Variants in ODAD4 observed in about 807,000 individuals in gnomAD.
ODAD4 encodes the protein outer dynein arm docking complex subunit 4, also known as outer dynein arm-docking complex subunit 4.
A neutral mutation model predicts 51.8 loss-of-function variants in ODAD4; 49 were observed. The observed-to-expected ratio is 0.95, with a 90% confidence interval of 0.75 to 1.20. The LOEUF (loss-of-function observed/expected upper bound fraction) is 1.20, where lower values mean the gene tolerates loss of function less well. Ranked by LOEUF, ODAD4 falls within the 50% of genes most tolerant of loss-of-function variation. The pLI is 0.00. For missense variants in ODAD4, 590 were observed against 586.5 expected, an observed-to-expected ratio of 1.01 and a Z score of -0.06; for synonymous variants, 235 against 221.3, an observed-to-expected ratio of 1.06 and a Z score of -0.55.
intron 7 of ODAD4, among the ~76,000 whole-genome samples, chr17:41,940,700 C>G (rs2050493409): frequency 2.0e-5 from 3 of 151,556 alleles, no homozygotes; most frequent in Non-Finnish European, 4.4e-5. Context: ...TAATACCAAC[C>G]CACAGGGACT....
chr17:41,959,594 G>A (rs1183056171), intron 10 of ODAD4, among the ~76,000 whole-genome samples: 1 of 152,170 alleles, frequency 6.6e-6, no homozygotes, highest in Non-Finnish European at 1.5e-5. Flanking sequence ...TGGCCAGGCC[G>A]AGGAGGGGCA....
chr17:41,935,830 G>C (rs1317706253), intron 3 of ODAD4, 81 bp downstream of exon 3: 15 of 1,539,226 alleles, frequency 9.7e-6, no homozygotes, highest in Non-Finnish European at 1.2e-5. Context: ...AGTCACAGCA[G>C]GTGAGCAGCC....
intron 7 of ODAD4, among the ~76,000 whole-genome samples, chr17:41,944,192 C>T (rs1333146337): frequency 5.5e-5 from 8 of 146,450 alleles, no homozygotes; most frequent in East Asian, 2.0e-4. Context: ...AGTGAAACTC[C>T]GTCTCAAAAA....
chr17:41,939,622 A>G (rs2050479445), intron 7 of ODAD4, among the ~76,000 whole-genome samples: 1 of 152,192 alleles, frequency 6.6e-6, no homozygotes, highest in South Asian at 2.1e-4. Flanking sequence ...GTGTGGTGAG[A>G]AATACATTCC....
chr17:41,943,085 G>A (rs1445583975), intron 7 of ODAD4, among the ~76,000 whole-genome samples: 2 of 152,024 alleles, frequency 1.3e-5, no homozygotes, highest in African/African-American at 4.8e-5. Flanking sequence ...AGAACTGCGT[G>A]GTACTGAGAG....
In ODAD4 at chr17:41,965,231, A is replaced by G; in HGVS notation, c.1767A>G (p.Leu589=). The G allele has an allele frequency of 1.3e-6, 1 of 776,096 alleles. No individual in the cohort carries two copies. The highest frequency in any genetic ancestry group is 1.4e-5 in the South Asian group (1 of 73,690). The allele number at this position is 776,096 out of a possible 1,614,324, so 48.1% of individuals were successfully genotyped here. The stretch of plus-strand genomic sequence containing the variant: ...TTGCCAAGGGCCTGTCAGGAGAATT[A>G]GGCACAAGATCAGGAGAAACAGGCA... ...GAVAKGLSGE[L]GTRSGETGRK... is the part of the protein sequence containing the mutation. Residue 589 remains leucine (L), a synonymous_variant, in exon 12 of 12, where the codon TTA becomes TTG. Transcript: ENST00000377540.
At chr17:41,954,111 G>A (rs1210831282) in intron 9 of ODAD4, among the ~76,000 whole-genome samples, 4 of 151,816 alleles carry the variant, frequency 2.6e-5, no homozygotes, top group East Asian at 1.9e-4. Flanking sequence ...TCAGCCTCCC[G>A]AGTAGCTGGG....
At chr17:41,946,111 G>A (rs1204861871) in intron 8 of ODAD4, among the ~76,000 whole-genome samples, 2 of 152,188 alleles carry the variant, frequency 1.3e-5, no homozygotes, top group Non-Finnish European at 2.9e-5. Flanking sequence ...ACAGTGTGTT[G>A]AGGAAGTGGC....
intron 10 of ODAD4, among the ~76,000 whole-genome samples, chr17:41,955,748 A>G (rs561328176): frequency 6.6e-6 from 1 of 152,112 alleles, no homozygotes; most frequent in African/African-American, 2.4e-5. Context: ...TACAAAATAT[A>G]TTTACCTCTG....
intron 7 of ODAD4, among the ~76,000 whole-genome samples, chr17:41,944,391 TACACACACACACACACACACAC>T (rs1158342629): frequency 1.0e-4 from 8 of 78,706 alleles, no homozygotes; most frequent in African/African-American, 5.3e-4. Context: ...CAAACACACA[TACACACACACACACACACACAC>T]ACACACACAC....
chr17:41,935,013 T>C (rs980121249), intron 1 of ODAD4, among the ~76,000 whole-genome samples: 5 of 152,120 alleles, frequency 3.3e-5, no homozygotes, highest in Admixed American at 1.3e-4. Context: ...GATAATCAAG[T>C]TGACTGAGCG....
intron 9 of ODAD4, chr17:41,952,559 A>AG (rs2050671789): frequency 3.1e-6 from 1 of 322,566 alleles, no homozygotes; most frequent in African/African-American, 2.2e-5. Flanking sequence ...AAAAAAAAAA[A>AG]AAAAAAAAAA....
At chr17:41,944,627 C>T (rs1437178253) in intron 7 of ODAD4, among the ~76,000 whole-genome samples, 1 of 150,834 alleles carries the variant, frequency 6.6e-6, no homozygotes, top group Non-Finnish European at 1.5e-5. Context: ...CTTGTCTCTA[C>T]TAAAAATATA....
chr17:41,959,084 A>T (rs2144538057), intron 10 of ODAD4, among the ~76,000 whole-genome samples: 1 of 151,602 alleles, frequency 6.6e-6, no homozygotes, highest in Middle Eastern at 3.5e-3. Context: ...TCCCATTGTC[A>T]CAGAAATTTC....
rs782723414 is a variant in ODAD4 at position 41,965,028 on chromosome 17, G to C, written c.1564G>C (p.Glu522Gln). Residue 522 changes from glutamate (E) to glutamine (Q), a missense_variant, in exon 12 of 12, where the codon GAG becomes CAG. By Grantham distance (29) the Glu-to-Gln change is conservative. This residue lies in a region of ODAD4 where 226 missense variants were observed against 162.7 expected (regional missense o/e 1.39). Transcript: ENST00000377540. ...GTATGAAGATAGAATAATAACAAGA[G>C]AGAAGGACATGAGGAGAGTGAGAGA... ...SLYEDRIITR[E>Q]KDMRRVRDEP... 1 of 725,664 alleles carries C rather than the reference G, an allele frequency of 1.4e-6. No individual in the cohort carries two copies. The highest frequency in any genetic ancestry group is 1.5e-5 in the South Asian group (1 of 67,512). The allele number at this position is 725,664 out of a possible 1,614,324, so 45.0% of individuals were successfully genotyped here. A position where few individuals can be genotyped will look rare whatever the true frequency, so the allele number is the denominator to read the frequency against.
At chr17:41,932,601 G>A (rs7224943) in intron 1 of ODAD4, among the ~76,000 whole-genome samples, 5,264 of 151,388 alleles carry the variant, frequency 0.035, 331 homozygotes, top group African/African-American at 0.12. Flanking sequence ...CTGGAATGTG[G>A]TGGCACAATC....
At chr17:41,935,419 C>T in intron 2 of ODAD4, 71 bp downstream of exon 2, 1 of 1,575,044 alleles carries the variant, frequency 6.3e-7, no homozygotes, top group South Asian at 1.2e-5. Flanking sequence ...GTAGTTGTTA[C>T]AAGTAGAACC....
In ODAD4 at chr17:41,965,189, A is replaced by G; in HGVS notation, c.1725A>G (p.Arg575=). The G allele has an allele frequency of 1.3e-6, 1 of 772,768 alleles. No individual in the cohort carries two copies. Among genetic ancestry groups the G allele is most frequent in the Non-Finnish European group, 2.4e-6 (1 of 414,646 alleles). 47.9% of individuals were successfully genotyped at this position (772,768 alleles called of 1,614,324 possible). A position where few individuals can be genotyped will look rare whatever the true frequency, so the allele number is the denominator to read the frequency against. ...AGAGTGTGGAAGCAGGAAAAGCCAG[A>G]AGCGATTTGGGAGCAGTTGCCAAGG... ...GKQSVEAGKA[R]SDLGAVAKGL... Residue 575 remains arginine, a synonymous_variant, in exon 12 of 12, where the codon AGA becomes AGG. Coordinates refer to ENST00000377540, the MANE Select transcript of ODAD4 (RefSeq NM_031421.5).
intron 11 of ODAD4, 78 bp downstream of exon 11, chr17:41,961,544 G>A: frequency 2.8e-6 from 2 of 702,186 alleles, no homozygotes; most frequent in Non-Finnish European, 2.6e-6. Flanking sequence ...AGACACATGC[G>A]ACAGCAGCTC....
Sources: gnomAD v4.1 joint callset for allele counts (sites outside exome capture counted in the v4.1 genomes callset) on GRCh38, gnomAD v4.1.1 for gene constraint, gnomAD v4.1.1 regional missense constraint, MANE v1.5 for transcripts, NCBI Gene and HGNC (gene_info 2026-07-23, HGNC 2026-07-21) for gene names.